The following CROCC variants were observed in gnomAD, a reference collection of about 807,000 sequenced individuals.
CROCC encodes ciliary rootlet coiled-coil, rootletin, also known as rootletin.
CROCC carries 180 observed loss-of-function variants against 245.2 expected under a neutral mutation model. The observed-to-expected ratio is 0.73, with a 90% CI of 0.65 to 0.83. The LOEUF (loss-of-function observed/expected upper bound fraction) is 0.83. CROCC is among the 40% of genes least tolerant of loss of function. CROCC has a pLI of 0.00. For missense variants in CROCC, 2,688 were observed against 2,779.4 expected (o/e 0.97, Z 0.74); for synonymous variants, 1,205 against 1,241.6 (o/e 0.97, Z 0.62).
intron 1 of CROCC, among the ~76,000 whole-genome samples, chr1:16,914,477 A>G (rs1252106293): frequency 6.6e-6 from 1 of 152,374 alleles, no homozygotes; most frequent in South Asian, 2.1e-4. Context: ...TGCCCCCCGC[A>G]GATGCCCTCT....
intron 24 of CROCC, 145 bp downstream of exon 24, chr1:16,955,695 A>G: frequency 2.3e-6 from 2 of 857,466 alleles, no homozygotes; most frequent in South Asian, 3.7e-5. Flanking sequence ...TGATTTTAGG[A>G]AGGTTTCCTC....
intron 2 of CROCC, 115 bp downstream of exon 2, chr1:16,922,913 C>T: frequency 7.0e-7 from 1 of 1,430,360 alleles, no homozygotes; most frequent in Non-Finnish European, 9.4e-7. Context: ...GTGGGGCAGG[C>T]ACAGCTTTAT....
chr1:16,940,349 G>T (rs1314267959), intron 13 of CROCC, among the ~76,000 whole-genome samples: 1 of 151,866 alleles, frequency 6.6e-6, no homozygotes, highest in Non-Finnish European at 1.5e-5. Context: ...TCAGCCTCCC[G>T]AGTATCTGGG....
Position 16,972,509 on chromosome 1 carries a change from C to T in CROCC, c.*63C>T. 1.9e-6 allele frequency: 2 copies of T among 1,065,374 alleles called. No individual in the cohort carries two copies. Among genetic ancestry groups the T allele is most frequent in the Non-Finnish European group, 1.3e-6 (1 of 754,100 alleles). 66.0% of individuals were successfully genotyped at this position (1,065,374 alleles called of 1,614,324 possible). On this transcript the variant is annotated 3_prime_UTR_variant, in exon 37 of 37. Coordinates refer to ENST00000375541, the MANE Select transcript of CROCC (RefSeq NM_014675.5). ...GACAGGGGAGGACCCTTCTTTTGGA[C>T]AGCCCCCCCACCCAGAGCCCGGTCC... is the stretch of plus-strand genomic sequence containing the variant.
chr1:16,965,975 T>C (rs767700855), intron 28 of CROCC, 24 bp from the exon 29 acceptor site: 8 of 1,609,170 alleles, frequency 5.0e-6, no homozygotes, highest in Non-Finnish European at 6.8e-6. Flanking sequence ...GGTCTGTCTT[T>C]GTTCCCCCAT....
chr1:16,940,122 C>T (rs1385553723), intron 13 of CROCC, 29 bp downstream of exon 13: 1 of 1,568,298 alleles, frequency 6.4e-7, no homozygotes, highest in Non-Finnish European at 8.6e-7. Context: ...CTGGGGGGTA[C>T]TGAAGAATAA....
intron 8 of CROCC, among the ~76,000 whole-genome samples, chr1:16,935,061 C>T (rs569587297): frequency 2.6e-5 from 4 of 152,180 alleles, no homozygotes; most frequent in East Asian, 1.9e-4. Context: ...CACCACACCC[C>T]GCTAAGTTTT....
chr1:16,960,263 C>G (rs2076309326), intron 26 of CROCC, among the ~76,000 whole-genome samples: 2 of 152,044 alleles, frequency 1.3e-5, no homozygotes, highest in African/African-American at 4.8e-5. Context: ...TAGACTCTGT[C>G]TCCAAAAACA....
At chr1:16,955,200 G>T (rs1450811573) in intron 23 of CROCC, 112 bp from the exon 24 acceptor site, 2 of 1,000,322 alleles carry the variant, frequency 2.0e-6, no homozygotes, top group Admixed American at 4.2e-5. Context: ...TGCGGTCTGA[G>T]CACTGCAGAG....
Position 16,936,151 on chromosome 1 carries a change from A to G in CROCC, c.957-486A>G, listed in dbSNP as rs1458681462. Among the ~76,000 whole-genome samples the G allele has an allele frequency of 2.6e-5, 4 of 152,036 alleles. No homozygotes were observed. The East Asian group carries it at 7.7e-4, about 29-fold the overall frequency. ...TCTTTAGTTTTTGAGATGGAGTCTC[A>G]CTATGTTTCCCATGCTGGCCTCAAA... On this transcript the variant is annotated intron_variant, in intron 8 of 36. Coordinates refer to ENST00000375541, the MANE Select transcript of CROCC (RefSeq NM_014675.5).
intron 2 of CROCC, 133 bp from the exon 3 acceptor site, chr1:16,924,192 G>A: frequency 2.7e-6 from 3 of 1,127,278 alleles, no homozygotes; most frequent in Non-Finnish European, 3.8e-6. Context: ...AGCTCTGTTT[G>A]CAGGCCTGGT....
rs1410832893 is a variant in CROCC at position 16,924,670 on chromosome 1, G to A, written c.351+191G>A. ...ATGCTCTTTAAGCCTGTTTTCTGTA[G>A]TGGGGATTGTAATGGGACGTGGAAT... On this transcript the variant is annotated intron_variant, in intron 3 of 36. Coordinates refer to ENST00000375541, the MANE Select transcript of CROCC (RefSeq NM_014675.5). Among the ~76,000 whole-genome samples the A allele has an allele frequency of 2.0e-5, 3 of 152,410 alleles. No individual in the cohort carries two copies. The East Asian group carries it at 5.8e-4, about 29-fold the overall frequency.
In CROCC at chr1:16,929,890, G is replaced by A. The variant is rs375998499; in HGVS notation, c.396G>A (p.Gln132=). 32 of 1,586,148 alleles carry A rather than the reference G, an allele frequency of 2.0e-5. No individual in the cohort carries two copies. The highest frequency in any genetic ancestry group is 4.5e-5 in the East Asian group (2 of 44,210). The change falls in exon 4 of 37, where the codon CAG becomes CAA. Residue 132 remains glutamine, a synonymous_variant. Coordinates refer to ENST00000375541, the MANE Select transcript of CROCC (RefSeq NM_014675.5). ...TGGAGCCTGGGGAGCTGGAGACGCA[G>A]GAGCCCAGGGGGCTGGTACGGCAGA... ...LRLEPGELET[Q]EPRGLVRQSV... is the part of the protein sequence containing the mutation.
At position 16,966,083 on chromosome 1, in the gene CROCC, A is replaced by G. The variant is rs775532855; in HGVS notation, c.4660A>G (p.Arg1554Gly). 8.7e-6 allele frequency: 14 copies of G among 1,613,416 alleles called. No homozygotes were observed. The highest frequency in any genetic ancestry group is 1.2e-5 in the Non-Finnish European group (14 of 1,179,448). Residue 1554 changes from arginine (R) to glycine (G), a missense_variant, in exon 29 of 37, where the codon AGG (arginine) becomes GGG (glycine). By Grantham distance (125) the Arg-to-Gly change is moderately radical. Around this residue, in one of 9 missense-constraint regions of CROCC, gnomAD observed 1,218 missense variants for 1,286.3 expected, o/e 0.95. Transcript: ENST00000375541. The surrounding 1 kb of genome is among the most constrained non-coding windows in gnomAD (Gnocchi z 4.8). ...GAGGGACAGCGCAACCTCGAGGGCC[A>G]GGCAGCTGCAGAAGGCGGTGGCTGA... ...AERDSATSRA[R>G]QLQKAVAESE...
At chr1:16,940,219 C>T in intron 13 of CROCC, 126 bp downstream of exon 13, 1 of 1,073,136 alleles carries the variant, frequency 9.3e-7, no homozygotes, top group Non-Finnish European at 1.3e-6. Context: ...TGCCTATTAA[C>T]GTTTATTTAT....
At position 16,970,448 on chromosome 1, in the gene CROCC, G is replaced by A. The variant is rs1297140571; in HGVS notation, c.5647G>A (p.Asp1883Asn). 1 of 1,582,416 alleles carries A rather than the reference G, an allele frequency of 6.3e-7. No homozygotes were observed. The highest frequency in any genetic ancestry group is 2.3e-5 in the East Asian group (1 of 43,984). The change falls in exon 34 of 37, where the codon GAC becomes AAC. Residue 1883 changes from aspartate to asparagine, a missense_variant. Asp to Asn is a conservative substitution (Grantham distance 23). Transcript: ENST00000375541. ...KDRVALRRTL[D>N]KVEREKLRSH... is the part of the protein sequence containing the mutation. ...CCGTGTAGCCCTCAGGAGGACGCTG[G>A]ACAAGGTAGGCTGCTCCCCAGGCTC...
intron 12 of CROCC, among the ~76,000 whole-genome samples, chr1:16,939,474 G>A (rs1325430894): frequency 2.0e-5 from 3 of 152,212 alleles, no homozygotes; most frequent in African/African-American, 4.8e-5. Flanking sequence ...GTCATACAGA[G>A]CCAGGACCCT....
intron 4 of CROCC, 23 bp downstream of exon 4, chr1:16,930,054 C>T (rs761524383): frequency 1.3e-6 from 2 of 1,566,234 alleles, no homozygotes; most frequent in Non-Finnish European, 1.7e-6. Context: ...CACTCCTGCT[C>T]CTGTCCTCCC....
At position 16,954,208 on chromosome 1, in the gene CROCC, C is replaced by T; in HGVS notation, c.3187-15C>T. On this transcript the variant is annotated splice_polypyrimidine_tract_variant and intron_variant, in intron 21 of 36. Transcript: ENST00000375541. The surrounding 1 kb of genome is among the most constrained non-coding windows in gnomAD (Gnocchi z 4.4). ...AGCCCATCCCCCAAGCCCTTTGTCCCCTGCCTCTGCCCAGGCCTTGTCTCT... is the reference window on the plus strand; with the variant it reads ...AGCCCATCCCCCAAGCCCTTTGTCCTCTGCCTCTGCCCAGGCCTTGTCTCT... 1 of 1,604,372 alleles carries T rather than the reference C, an allele frequency of 6.2e-7. No homozygotes were observed. The highest frequency in any genetic ancestry group is 8.5e-7 in the Non-Finnish European group (1 of 1,174,548).
Sources: gnomAD v4.1 joint callset for allele counts (sites outside exome capture counted in the v4.1 genomes callset) on GRCh38, gnomAD v4.1.1 for gene constraint, gnomAD v4.1.1 regional missense constraint, Gnocchi (gnomAD v3.1) non-coding constraint, MANE v1.5 for transcripts, NCBI Gene and HGNC (gene_info 2026-07-23, HGNC 2026-07-21) for gene names.